The following C2CD5 variants were observed in gnomAD, a reference collection of about 807,000 sequenced individuals.
C2CD5 encodes C2 domain-containing protein 5.
A neutral mutation model predicts 130.3 loss-of-function variants in C2CD5; 109 were observed. The ratio of observed to expected loss-of-function variants is 0.84; its 90% confidence interval spans 0.72 to 0.98. The LOEUF (loss-of-function observed/expected upper bound fraction) is 0.98, where lower values mean the gene tolerates loss of function less well. Ranked by LOEUF, C2CD5 falls within the 50% of genes least tolerant of loss-of-function variation. The probability of loss-of-function intolerance (pLI) is 0.00; values close to 1 mark genes in which losing one functional copy is unlikely to be tolerated. For missense variants in C2CD5, 996 were observed against 1,261.8 expected, an observed-to-expected ratio of 0.79 and a Z score of 3.19; for synonymous variants, 454 against 429.2, an observed-to-expected ratio of 1.06 and a Z score of -0.71.
intron 7 of C2CD5, among the ~76,000 whole-genome samples, chr12:22,521,424 C>A (rs1950256357): frequency 6.6e-6 from 1 of 152,172 alleles, no homozygotes; most frequent in Non-Finnish European, 1.5e-5. Context: ...CAAAACATAT[C>A]CCCTTGCTCT....
chr12:22,471,305 T>G (rs1942990444), intron 20 of C2CD5, 94 bp downstream of exon 20: 2 of 723,182 alleles, frequency 2.8e-6, no homozygotes, highest in East Asian at 5.3e-5. Context: ...AACTAGTATA[T>G]GTTTATTTAA....
At chr12:22,521,994 A>T (rs991697844) in intron 7 of C2CD5, among the ~76,000 whole-genome samples, 1 of 152,226 alleles carries the variant, frequency 6.6e-6, no homozygotes, top group Admixed American at 6.5e-5. Flanking sequence ...TATCTAGGAC[A>T]GGAGTCCACA....
At chr12:22,503,000 TC>T (rs1384830343) in intron 10 of C2CD5, among the ~76,000 whole-genome samples, 1 of 152,196 alleles carries the variant, frequency 6.6e-6, no homozygotes, top group East Asian at 1.9e-4. Flanking sequence ...CATTAACTAA[TC>T]TAATTATTTA....
chr12:22,488,638 CAA>C (rs926323144), intron 12 of C2CD5, among the ~76,000 whole-genome samples: 2 of 152,050 alleles, frequency 1.3e-5, no homozygotes, highest in African/African-American at 2.4e-5. Context: ...AACTCACTGA[CAA>C]AGAGAGTTTC....
chr12:22,459,416 A>C lies in C2CD5; in HGVS notation c.2584+76T>G, dbSNP rs902668550. ...CATATTGTCCAGTGCATTTTCTTCA[A>C]TGTCTATAATTTTATGCACCACCAA... is the stretch of plus-strand genomic sequence containing the variant. On this transcript the variant is annotated intron_variant, in intron 23 of 26. Transcript: ENST00000446597. 23 of 930,424 alleles carry C rather than the reference A, an allele frequency of 2.5e-5. No individual in the cohort carries two copies. In the East Asian group the frequency reaches 6.1e-4, roughly 24 times the overall value. 57.6% of individuals were successfully genotyped at this position (930,424 alleles called of 1,614,324 possible). A position where few individuals can be genotyped will look rare whatever the true frequency, so the allele number is the denominator to read the frequency against.
rs757598124 is a variant in C2CD5 at position 22,513,345 on chromosome 12, C to A, written c.987G>T (p.Gly329=). 5.6e-6 allele frequency: 9 copies of A among 1,611,658 alleles called. No individual in the cohort carries two copies. In the African/African-American group the frequency reaches 1.1e-4, roughly 19 times the overall value. ...GTTGTCTTAAAAGAGCTTTAAAGGG[C>A]CCCCCTTCTTTTCCAGCACTACCAC... ...MGSGSAGKEG[G]PFKALLRQQT... is the part of the protein sequence containing the mutation. The change falls in exon 9 of 27, where the codon GGG becomes GGT. Residue 329 remains glycine, a synonymous_variant. Transcript: ENST00000446597.
intron 26 of C2CD5, among the ~76,000 whole-genome samples, 173 bp downstream of exon 26, chr12:22,453,723 T>A (rs987115789): frequency 9.2e-5 from 14 of 152,230 alleles, no homozygotes; most frequent in African/African-American, 3.4e-4. Context: ...ATAGCATGTA[T>A]TGACTTGTGA....
intron 7 of C2CD5, 29 bp downstream of exon 7, chr12:22,523,397 C>A: frequency 6.4e-7 from 1 of 1,558,760 alleles, no homozygotes; most frequent in Non-Finnish European, 8.8e-7. Flanking sequence ...AAAATCTTAG[C>A]AAGAACAATT....
intron 3 of C2CD5, among the ~76,000 whole-genome samples, chr12:22,530,189 CTG>C (rs1407932475): frequency 5.3e-5 from 7 of 130,882 alleles, no homozygotes; most frequent in African/African-American, 1.5e-4. Context: ...ATATATACAA[CTG>C]TGTATATATA....
At chr12:22,520,993 C>T (rs1054893388) in intron 7 of C2CD5, among the ~76,000 whole-genome samples, 1 of 152,060 alleles carries the variant, frequency 6.6e-6, no homozygotes, top group Non-Finnish European at 1.5e-5. Flanking sequence ...TTTTCTGATT[C>T]GATCAGTCTC....
chr12:22,485,916 T>C (rs1945430292), intron 12 of C2CD5, among the ~76,000 whole-genome samples: 1 of 151,928 alleles, frequency 6.6e-6, no homozygotes. Flanking sequence ...TCTCCAAATT[T>C]TTTTTTGATT....
chr12:22,484,696 C>G lies in C2CD5; in HGVS notation c.1550+1G>C. ...ACCGAGTGTTGTTTTCACAAACATA[C>G]CTTGCTTGAATAAGACAACCTTTTC... On this transcript the variant is annotated splice_donor_variant, in intron 13 of 26. Coordinates refer to ENST00000446597, the MANE Select transcript of C2CD5 (RefSeq NM_001286176.2). LOFTEE classifies it high-confidence loss of function. 1 of 1,551,858 alleles carries G rather than the reference C, an allele frequency of 6.4e-7. No homozygotes were observed. Among genetic ancestry groups the G allele is most frequent in the Non-Finnish European group, 8.7e-7 (1 of 1,145,680 alleles).
chr12:22,460,593 T>G (rs568849770), intron 22 of C2CD5: 6 of 152,286 alleles, frequency 3.9e-5, no homozygotes, highest in Non-Finnish European at 7.4e-5. Context: ...ATTTTTTTTT[T>G]TGAGACGGAG....
intron 24 of C2CD5, among the ~76,000 whole-genome samples, chr12:22,457,930 T>C (rs1470069813): frequency 9.9e-5 from 15 of 152,198 alleles, no homozygotes. Flanking sequence ...CATCCTATAT[T>C]ATTTCCTGTG....
chr12:22,486,020 CAA>C (rs891172189), intron 12 of C2CD5, among the ~76,000 whole-genome samples: 1 of 151,796 alleles, frequency 6.6e-6, no homozygotes, highest in African/African-American at 2.4e-5. Context: ...CTAAAATAAC[CAA>C]AGTTATTATA....
intron 4 of C2CD5, 64 bp from the exon 5 acceptor site, chr12:22,525,769 A>G (rs1382000689): frequency 1.2e-6 from 1 of 805,688 alleles, no homozygotes; most frequent in African/African-American, 1.7e-5. Context: ...TAAATAATGA[A>G]GCAAATTAAT....
rs753292338 is a variant in C2CD5 at position 22,472,763 on chromosome 12, AG to A, written c.2087del (p.Thr696MetfsTer20). The A allele has an allele frequency of 6.3e-7, 1 of 1,581,566 alleles. No homozygotes were observed. The highest frequency in any genetic ancestry group is 1.3e-5 in the African/African-American group (1 of 74,224). ...GTTCACCTGAAGGAGGAGGAACATC[AG>A]TAAGTAGAGAATGGACATCTTCCAT... The part of the protein sequence containing the change: ...DAMEDVHSLL[T>X]DVPPPSGFYS... On this transcript the variant is annotated frameshift_variant, in exon 17 of 27. Coordinates refer to ENST00000446597, the MANE Select transcript of C2CD5 (RefSeq NM_001286176.2). LOFTEE classifies it high-confidence loss of function.
intron 14 of C2CD5, among the ~76,000 whole-genome samples, chr12:22,481,973 A>C (rs1462499419): frequency 6.6e-6 from 1 of 151,952 alleles, no homozygotes; most frequent in African/African-American, 2.4e-5. Context: ...CACTGGCCAC[A>C]GGTGCACATT....
In C2CD5 at chr12:22,457,171, G is replaced by A; in HGVS notation, c.2687-10C>T. The A allele has an allele frequency of 6.4e-7, 1 of 1,572,248 alleles. No individual in the cohort carries two copies. Among genetic ancestry groups the A allele is most frequent in the Non-Finnish European group, 8.7e-7 (1 of 1,154,776 alleles). ...TTTTCAACTGTCATGGCTAAAATTG[G>A]AGAAAAATGAGAAAACATTCAGAAC... On this transcript the variant is annotated splice_polypyrimidine_tract_variant and intron_variant, in intron 24 of 26. Transcript: ENST00000446597.
Sources: gnomAD v4.1 joint callset for allele counts (sites outside exome capture counted in the v4.1 genomes callset) on GRCh38, gnomAD v4.1.1 for gene constraint, MANE v1.5 for transcripts, NCBI Gene and HGNC (gene_info 2026-07-23, HGNC 2026-07-21) for gene names.